SLC5A1: variants seen among roughly 807,000 people sequenced by gnomAD.
The protein encoded by SLC5A1 is sodium/glucose cotransporter 1.
A neutral mutation model predicts 73.5 loss-of-function variants in SLC5A1; 42 were observed. The observed-to-expected ratio is 0.57, with a 90% CI of 0.45 to 0.74. The LOEUF is 0.74. Among genes scored for constraint, SLC5A1 ranks in the 30% least tolerant of loss-of-function variants. SLC5A1 has a pLI of 0.00. For missense variants in SLC5A1, 634 were observed against 855.4 expected, an observed-to-expected ratio of 0.74 and a Z score of 3.23; for synonymous variants, 300 against 317.4, an observed-to-expected ratio of 0.95 and a Z score of 0.58.
At chr22:32,060,184 CACATAT>C (rs755883078) in intron 2 of SLC5A1, among the ~76,000 whole-genome samples, 10,485 of 107,812 alleles carry the variant, frequency 0.097, 565 homozygotes, top group African/African-American at 0.18. Context: ...CACACACACA[CACATAT>C]ATATATATAT....
intron 12 of SLC5A1, among the ~76,000 whole-genome samples, chr22:32,099,559 C>T (rs1049178838): frequency 6.6e-5 from 10 of 151,280 alleles, no homozygotes; most frequent in Middle Eastern, 3.2e-3. Flanking sequence ...GGAGGGTCCA[C>T]GTTCTGTCTC....
chr22:32,049,225 CTA>C (rs200743087), intron 1 of SLC5A1, among the ~76,000 whole-genome samples: 5 of 84,244 alleles, frequency 5.9e-5, no homozygotes, highest in African/African-American at 1.5e-4. Flanking sequence ...ATATCTATAT[CTA>C]TATATATGAT....
At position 32,102,039 on chromosome 22, in the gene SLC5A1, G is replaced by C. The variant is rs759405864; in HGVS notation, c.1467G>C (p.Leu489=). The C allele has an allele frequency of 5.0e-6, 8 of 1,614,000 alleles. No individual in the cohort carries two copies. The East Asian group carries it at 8.9e-5, about 18-fold the overall frequency. ...RVNEPGAFWG[L]ILGLLIGISR... ...TTTCACAGGGAGCCTTTTGGGGACT[G>C]ATCCTAGGACTTCTGATTGGGATTT... Residue 489 remains leucine (L), a synonymous_variant, in exon 13 of 15, where the codon CTG becomes CTC. Coordinates refer to ENST00000266088, the MANE Select transcript of SLC5A1 (RefSeq NM_000343.4).
intron 5 of SLC5A1, among the ~76,000 whole-genome samples, chr22:32,072,149 A>C (rs906552100): frequency 1.3e-5 from 2 of 151,960 alleles, no homozygotes; most frequent in Non-Finnish European, 2.9e-5. Flanking sequence ...TGGTGTACAG[A>C]TTATTTTGTC....
At chr22:32,047,993 T>C (rs2093939313) in intron 1 of SLC5A1, among the ~76,000 whole-genome samples, 1 of 151,766 alleles carries the variant, frequency 6.6e-6, no homozygotes, top group South Asian at 2.1e-4. Context: ...AAACCCTGTC[T>C]CTACAAAAAT....
intron 11 of SLC5A1, among the ~76,000 whole-genome samples, chr22:32,092,964 A>T (rs574691427): frequency 2.1e-4 from 32 of 152,200 alleles, no homozygotes; most frequent in African/African-American, 7.7e-4. Flanking sequence ...GAATTATCTC[A>T]AGTTGATTTT....
At chr22:32,091,914 C>G in intron 11 of SLC5A1, 152 bp downstream of exon 11, 1 of 563,818 alleles carries the variant, frequency 1.8e-6, no homozygotes, top group South Asian at 2.8e-5. Context: ...TGGCATTTAA[C>G]TTTATTTACT....
intron 2 of SLC5A1, among the ~76,000 whole-genome samples, chr22:32,053,805 T>C (rs2093948100): frequency 6.6e-6 from 1 of 152,242 alleles, no homozygotes; most frequent in Non-Finnish European, 1.5e-5. Context: ...ATTAAATTAG[T>C]TAATACATGT....
At chr22:32,096,231 T>C (rs982003255) in intron 11 of SLC5A1, among the ~76,000 whole-genome samples, 2 of 152,204 alleles carry the variant, frequency 1.3e-5, no homozygotes, top group African/African-American at 4.8e-5. Context: ...AACTTTAAAT[T>C]GGAGATCATT....
At chr22:32,054,908 CA>C (rs1434365513) in intron 2 of SLC5A1, among the ~76,000 whole-genome samples, 1 of 152,124 alleles carries the variant, frequency 6.6e-6, no homozygotes, top group Non-Finnish European at 1.5e-5. Context: ...CTCCTGGCCT[CA>C]TGTGATCTGC....
At chr22:32,074,775 A>G (rs2093988167) in intron 5 of SLC5A1, among the ~76,000 whole-genome samples, 1 of 152,184 alleles carries the variant, frequency 6.6e-6, no homozygotes, top group South Asian at 2.1e-4. Flanking sequence ...TGACAAATAC[A>G]TAAGAAGTTT....
At position 32,082,919 on chromosome 22, in the gene SLC5A1, C is replaced by G. The variant is rs990719233; in HGVS notation, c.584-155C>G. The G allele has an allele frequency of 5.3e-5, 37 of 701,506 alleles. No homozygotes were observed. In the African/African-American group the frequency reaches 5.8e-4, roughly 11 times the overall value. 43.5% of individuals were successfully genotyped at this position (701,506 alleles called of 1,614,324 possible). A position where few individuals can be genotyped will look rare whatever the true frequency, so the allele number is the denominator to read the frequency against. Reference sequence around the variant, plus strand: ...CATGCTGAATAGCAAAATACTGTAACAGGACAAGGGAGGGAAGGAAGGAGA... The same window carrying G: ...CATGCTGAATAGCAAAATACTGTAAGAGGACAAGGGAGGGAAGGAAGGAGA... On this transcript the variant is annotated intron_variant, in intron 6 of 14. Coordinates refer to ENST00000266088, the MANE Select transcript of SLC5A1 (RefSeq NM_000343.4).
intron 2 of SLC5A1, among the ~76,000 whole-genome samples, chr22:32,054,375 C>T (rs130266): frequency 0.49 from 74,734 of 151,950 alleles, 21,504 homozygotes; most frequent in East Asian, 0.84. Flanking sequence ...ACAAAATATA[C>T]GTAAAATTAT....
chr22:32,065,904 A>T (rs734091), intron 2 of SLC5A1, among the ~76,000 whole-genome samples: 6,811 of 152,274 alleles, frequency 0.045, 207 homozygotes, highest in Non-Finnish European at 0.07. Flanking sequence ...CATCTTTGGG[A>T]CATTAGATAA....
At chr22:32,078,247 G>C (rs902508436) in intron 5 of SLC5A1, among the ~76,000 whole-genome samples, 4 of 151,092 alleles carry the variant, frequency 2.6e-5, no homozygotes, top group African/African-American at 9.7e-5. Flanking sequence ...TGTAACTTCT[G>C]CGGTTATTTA....
At chr22:32,107,930 A>G (rs556149706) in intron 14 of SLC5A1, among the ~76,000 whole-genome samples, 1 of 152,124 alleles carries the variant, frequency 6.6e-6, no homozygotes, top group Admixed American at 6.6e-5. Context: ...CACCACCACC[A>G]CCACCACCAT....
intron 2 of SLC5A1, among the ~76,000 whole-genome samples, chr22:32,064,281 A>C (rs2093968659): frequency 2.0e-5 from 3 of 152,046 alleles, no homozygotes; most frequent in Admixed American, 2.0e-4. Flanking sequence ...GGATTGCTTG[A>C]GACCAGGAGT....
chr22:32,090,909 T>G (rs2094016181), intron 10 of SLC5A1, among the ~76,000 whole-genome samples: 1 of 152,110 alleles, frequency 6.6e-6, no homozygotes, highest in Non-Finnish European at 1.5e-5. Flanking sequence ...GTTATTTCTG[T>G]TTTTTAAAAA....
intron 11 of SLC5A1, among the ~76,000 whole-genome samples, chr22:32,097,294 C>T (rs537969071): frequency 1.6e-4 from 25 of 152,164 alleles, no homozygotes; most frequent in Non-Finnish European, 2.8e-4. Flanking sequence ...GGGAAAGGCT[C>T]CTGGGGAAGG....
Sources: gnomAD v4.1 joint callset for allele counts (sites outside exome capture counted in the v4.1 genomes callset) on GRCh38, gnomAD v4.1.1 for gene constraint, MANE v1.5 for transcripts, NCBI Gene and HGNC (gene_info 2026-07-23, HGNC 2026-07-21) for gene names.